Variants in MSRA observed in about 807,000 individuals in gnomAD.
MSRA encodes the protein methionine sulfoxide reductase A.
A neutral mutation model predicts 31.3 loss-of-function variants in MSRA; 54 were observed. The observed-to-expected ratio is 1.73, with a 90% CI of 1.39 to 2.17. The LOEUF (loss-of-function observed/expected upper bound fraction) is 2.17. Ranked by LOEUF, MSRA falls within the 30% of genes most tolerant of loss-of-function variation. The probability of loss-of-function intolerance (pLI) is 0.00; values close to 1 mark genes in which losing one functional copy is unlikely to be tolerated. For missense variants in MSRA, 507 were observed against 300.9 expected (o/e 1.69, Z -5.07); for synonymous variants, 169 against 116.5 (o/e 1.45, Z -2.90).
intron 1 of MSRA, among the ~76,000 whole-genome samples, chr8:10,116,037 C>T (rs1800653290): frequency 6.6e-6 from 1 of 152,182 alleles, no homozygotes; most frequent in African/African-American, 2.4e-5. Context: ...GCTGGAACCA[C>T]TGCTCTGAGT....
intron 5 of MSRA, among the ~76,000 whole-genome samples, chr8:10,402,981 A>G (rs1289755371): frequency 6.6e-6 from 1 of 152,176 alleles, no homozygotes; most frequent in Non-Finnish European, 1.5e-5. Context: ...TGAAAACTGG[A>G]AGAGAAGACA....
chr8:10,137,546 C>T (rs931880841), intron 1 of MSRA, among the ~76,000 whole-genome samples: 4 of 152,184 alleles, frequency 2.6e-5, no homozygotes, highest in African/African-American at 4.8e-5. Flanking sequence ...AACAAACGAA[C>T]TAACCCATTA....
intron 2 of MSRA, among the ~76,000 whole-genome samples, chr8:10,213,432 CTTTTTTTTTTTT>C (rs1198665886): frequency 7.8e-5 from 6 of 76,740 alleles, no homozygotes; most frequent in African/African-American, 1.1e-4. Context: ...ACCACACTTT[CTTTTTTTTTTTT>C]TTTTTTTTTT....
At chr8:10,193,020 G>A (rs188131960) in intron 1 of MSRA, among the ~76,000 whole-genome samples, 1 of 152,210 alleles carries the variant, frequency 6.6e-6, no homozygotes, top group African/African-American at 2.4e-5. Context: ...AAGCCTTTTG[G>A]GAAGAAAAAG....
intron 1 of MSRA, among the ~76,000 whole-genome samples, chr8:10,166,338 G>A (rs1805123070): frequency 6.6e-6 from 1 of 152,198 alleles, no homozygotes; most frequent in Non-Finnish European, 1.5e-5. Flanking sequence ...ATGTGCATGT[G>A]TGTTTTTGTG....
chr8:10,171,870 A>C (rs919434062), intron 1 of MSRA, among the ~76,000 whole-genome samples: 2 of 152,204 alleles, frequency 1.3e-5, no homozygotes, highest in African/African-American at 4.8e-5. Flanking sequence ...GATTTGCCCA[A>C]GCATTTCTTG....
At chr8:10,087,216 T>TA (rs1798607379) in intron 1 of MSRA, among the ~76,000 whole-genome samples, 1 of 152,170 alleles carries the variant, frequency 6.6e-6, no homozygotes, top group African/African-American at 2.4e-5. Context: ...ATACTATAAA[T>TA]ACAACAAATA....
At chr8:10,068,578 G>C (rs796889775) in intron 1 of MSRA, among the ~76,000 whole-genome samples, 3 of 152,126 alleles carry the variant, frequency 2.0e-5, no homozygotes, top group Non-Finnish European at 4.4e-5. Context: ...TTTCTCCATC[G>C]TATTGCCTTT....
At chr8:10,057,748 T>C (rs1430852584) in intron 1 of MSRA, among the ~76,000 whole-genome samples, 1 of 152,194 alleles carries the variant, frequency 6.6e-6, no homozygotes, top group Non-Finnish European at 1.5e-5. Context: ...TGCTCCTTTG[T>C]GTGGAGATGT....
intron 1 of MSRA, among the ~76,000 whole-genome samples, chr8:10,087,738 T>A (rs778599767): frequency 4.6e-5 from 7 of 152,188 alleles, no homozygotes; most frequent in Middle Eastern, 3.2e-3. Flanking sequence ...CCCTCAAGGT[T>A]TCTTGTTAGG....
At chr8:10,394,961 T>G (rs928673627) in intron 5 of MSRA, among the ~76,000 whole-genome samples, 2 of 152,220 alleles carry the variant, frequency 1.3e-5, no homozygotes, top group African/African-American at 4.8e-5. Context: ...GTTGATGATA[T>G]TGCCTTTGAC....
chr8:10,331,096 C>T (rs928118316), intron 5 of MSRA, among the ~76,000 whole-genome samples: 2 of 152,166 alleles, frequency 1.3e-5, no homozygotes, highest in African/African-American at 4.8e-5. Context: ...TGCCTGCAAG[C>T]CCTGAGAAGA....
intron 5 of MSRA, among the ~76,000 whole-genome samples, chr8:10,390,197 G>A (rs1277216437): frequency 6.6e-6 from 1 of 152,230 alleles, no homozygotes; most frequent in Non-Finnish European, 1.5e-5. Context: ...ATATGTTCAG[G>A]CCCAGTACAG....
intron 1 of MSRA, among the ~76,000 whole-genome samples, chr8:10,130,988 A>G (rs547415808): frequency 6.6e-6 from 1 of 152,316 alleles, no homozygotes; most frequent in East Asian, 1.9e-4. Context: ...GTGTGTATAT[A>G]GAGATGTTAA....
chr8:10,134,439 G>A (rs946818582), intron 1 of MSRA, among the ~76,000 whole-genome samples: 1 of 152,212 alleles, frequency 6.6e-6, no homozygotes, highest in Non-Finnish European at 1.5e-5. Flanking sequence ...TCGCAATGGG[G>A]GTTTCAGTTT....
chr8:10,345,967 T>C (rs1803746872), intron 5 of MSRA, among the ~76,000 whole-genome samples: 1 of 152,242 alleles, frequency 6.6e-6, no homozygotes, highest in Admixed American at 6.5e-5. Context: ...ACCTACAGCC[T>C]ACCTACAGAA....
chr8:10,306,817 T>C (rs1801165102), intron 4 of MSRA, among the ~76,000 whole-genome samples: 1 of 152,178 alleles, frequency 6.6e-6, no homozygotes, highest in African/African-American at 2.4e-5. Context: ...GTCTTCAGTT[T>C]TGTGTGACTT....
intron 3 of MSRA, among the ~76,000 whole-genome samples, chr8:10,259,789 C>G (rs982628409): frequency 5.9e-5 from 9 of 152,202 alleles, no homozygotes; most frequent in South Asian, 2.1e-4. Flanking sequence ...CTTCCCTGCA[C>G]CTGGCTTTGC....
chr8:10,285,887 G>T (rs902099721), intron 3 of MSRA, among the ~76,000 whole-genome samples: 1 of 151,970 alleles, frequency 6.6e-6, no homozygotes, highest in Non-Finnish European at 1.5e-5. Context: ...TTCTTCTTCT[G>T]CTTTTATTTC....
Sources: gnomAD v4.1 joint callset for allele counts (sites outside exome capture counted in the v4.1 genomes callset) on GRCh38, gnomAD v4.1.1 for gene constraint, MANE v1.5 for transcripts, NCBI Gene and HGNC (gene_info 2026-07-23, HGNC 2026-07-21) for gene names.